Variants in ADGRL2 observed in about 807,000 individuals in gnomAD.
The protein encoded by ADGRL2 is calcium-independent alpha-latrotoxin receptor 2.
ADGRL2 carries 44 observed loss-of-function variants against 157.4 expected under a neutral mutation model. The ratio of observed to expected loss-of-function variants is 0.28; its 90% CI spans 0.22 to 0.36. ADGRL2 has a LOEUF of 0.36. ADGRL2 is among the 10% of genes least tolerant of loss of function. The pLI, the probability that ADGRL2 is intolerant of heterozygous loss-of-function variation, is 1.00. For missense variants in ADGRL2, 1,510 were observed against 1,768.9 expected (o/e 0.85, Z 2.63); for synonymous variants, 585 against 624.7 (o/e 0.94, Z 0.95).
intron 2 of ADGRL2, among the ~76,000 whole-genome samples, chr1:81,466,334 G>T (rs1234558270): frequency 6.6e-5 from 10 of 152,088 alleles, no homozygotes; most frequent in Non-Finnish European, 1.3e-4. Context: ...TAGGCTGAAG[G>T]TACAGGTTAA....
intron 1 of ADGRL2, among the ~76,000 whole-genome samples, chr1:81,379,763 C>T (rs972206966): frequency 2.0e-5 from 3 of 152,164 alleles, no homozygotes; most frequent in African/African-American, 7.2e-5. Context: ...TAATGTGTTC[C>T]TTTGTTGTCC....
At chr1:81,565,838 A>G (rs1438594014) in intron 2 of ADGRL2, among the ~76,000 whole-genome samples, 1 of 152,144 alleles carries the variant, frequency 6.6e-6, no homozygotes, top group East Asian at 1.9e-4. Flanking sequence ...CTGGGAAGTG[A>G]TTTAGGTACA....
intron 2 of ADGRL2, among the ~76,000 whole-genome samples, chr1:81,458,560 C>T (rs986102968): frequency 8.5e-5 from 13 of 152,314 alleles, no homozygotes; most frequent in East Asian, 3.9e-4. Context: ...TCACACCATC[C>T]GCTTCAGCCC....
chr1:81,521,446 A>T (rs1396228034), intron 2 of ADGRL2, among the ~76,000 whole-genome samples: 1 of 152,198 alleles, frequency 6.6e-6, no homozygotes, highest in Non-Finnish European at 1.5e-5. Context: ...ACATGAAGGT[A>T]TCACAGATTT....
chr1:81,722,554 T>C, intron 1 of ADGRL2: 1 of 1,522,612 alleles, frequency 6.6e-7, no homozygotes, highest in Non-Finnish European at 9.0e-7. Context: ...GCCTTACAAA[T>C]GGCGAGGGAA....
At chr1:81,515,653 A>G (rs2079162351) in intron 2 of ADGRL2, among the ~76,000 whole-genome samples, 1 of 152,176 alleles carries the variant, frequency 6.6e-6, no homozygotes, top group Admixed American at 6.5e-5. Context: ...ATTGTGGAAA[A>G]TAAGAAAATA....
chr1:81,952,354 T>C (rs539029656), intron 9 of ADGRL2, among the ~76,000 whole-genome samples: 6 of 152,262 alleles, frequency 3.9e-5, no homozygotes. Context: ...GTTAATTACC[T>C]GAGAGAGATC....
chr1:81,640,362 C>T (rs151099856), intron 3 of ADGRL2, among the ~76,000 whole-genome samples: 1,683 of 152,040 alleles, frequency 0.011, 21 homozygotes, highest in African/African-American at 0.039. Flanking sequence ...GGGCCGGGCG[C>T]GGTGGCTCAC....
rs17106402 is a variant in ADGRL2, at chr1:81,326,442, A to C, written c.-302+19933A>C. Among the ~76,000 whole-genome samples the C allele has an allele frequency of 6.4e-3, 975 of 152,314 alleles. 27 individuals carry two copies. In the South Asian group the frequency reaches 0.079, roughly 12 times the overall value. On this transcript the variant is annotated intron_variant, in intron 1 of 24. Coordinates refer to the ADGRL2 transcript ENST00000370721. The stretch of plus-strand genomic sequence containing the variant: ...CAGTAATAAGTGCTCTGTCTAGTTG[A>C]TAAATTTCCACACTAAACACAAACG...
rs567359552 is a variant in ADGRL2, at chr1:81,770,504, G to T, written c.-101+8652G>T. Among the ~76,000 whole-genome samples, 643 of 146,524 alleles carry T rather than the reference G, an allele frequency of 4.4e-3. 3 individuals carry two copies. The highest frequency in any genetic ancestry group is 6.5e-3 in the Non-Finnish European group (436 of 66,736). On this transcript the variant is annotated intron_variant, in intron 2 of 20. Transcript: ENST00000359929. The stretch of plus-strand genomic sequence containing the variant: ...TCTTTTCCTTTTAAGACAGAGTTTT[G>T]CTCTTGTTGCCCAGGCTGGAGTCCA...
intron 2 of ADGRL2, among the ~76,000 whole-genome samples, chr1:81,762,491 T>G (rs1243172759): frequency 6.6e-6 from 1 of 152,174 alleles, no homozygotes; most frequent in East Asian, 1.9e-4. Context: ...AAAATTAATC[T>G]TATTATATGG....
chr1:81,874,873 T>A (rs1050964214), intron 2 of ADGRL2, among the ~76,000 whole-genome samples: 5 of 151,962 alleles, frequency 3.3e-5, no homozygotes, highest in Non-Finnish European at 7.4e-5. Context: ...GCCCGGCTAA[T>A]TTTTGCATTT....
chr1:81,735,475 A>G (rs2084863420), intron 1 of ADGRL2: 1 of 151,930 alleles, frequency 6.6e-6, no homozygotes, highest in African/African-American at 2.4e-5. Context: ...CCTCTAATCA[A>G]TGAAGAAACT....
intron 2 of ADGRL2, among the ~76,000 whole-genome samples, chr1:81,466,702 A>G (rs886658564): frequency 3.3e-5 from 5 of 151,446 alleles, no homozygotes; most frequent in African/African-American, 9.7e-5. Context: ...CATACACACT[A>G]TGTCTTTTTG....
At chr1:81,747,464 C>T (rs1480698422) in intron 1 of ADGRL2, among the ~76,000 whole-genome samples, 1 of 151,736 alleles carries the variant, frequency 6.6e-6, no homozygotes, top group Non-Finnish European at 1.5e-5. Flanking sequence ...CCATGCTCAG[C>T]TAATTGTTTG....
chr1:81,622,512 C>A (rs529304742), intron 3 of ADGRL2, among the ~76,000 whole-genome samples: 1 of 152,128 alleles, frequency 6.6e-6, no homozygotes, highest in African/African-American at 2.4e-5. Context: ...ACCTGGGAGG[C>A]GGAAGTTTCA....
At chr1:81,787,950 G>T (rs183148562) in intron 2 of ADGRL2, among the ~76,000 whole-genome samples, 1 of 152,116 alleles carries the variant, frequency 6.6e-6, no homozygotes, top group African/African-American at 2.4e-5. Context: ...AAATTATTGA[G>T]CACCAGAGCT....
At chr1:81,565,575 C>T (rs991798176) in intron 2 of ADGRL2, among the ~76,000 whole-genome samples, 5 of 152,138 alleles carry the variant, frequency 3.3e-5, no homozygotes, top group African/African-American at 9.7e-5. Context: ...AGCTTTCTGC[C>T]GCATTGAAAA....
chr1:81,704,738 C>T (rs917261609), intron 1 of ADGRL2, among the ~76,000 whole-genome samples: 2 of 152,182 alleles, frequency 1.3e-5, no homozygotes, highest in African/African-American at 4.8e-5. Context: ...TGAAACTCAC[C>T]TTAATTCAAA....
Sources: gnomAD v4.1 joint callset for allele counts (sites outside exome capture counted in the v4.1 genomes callset) on GRCh38, gnomAD v4.1.1 for gene constraint, MANE v1.5 for transcripts, NCBI Gene and HGNC (gene_info 2026-07-23, HGNC 2026-07-21) for gene names.